The following MAP3K4 variants were observed in gnomAD, a reference collection of about 807,000 sequenced individuals.
The protein encoded by MAP3K4 is mitogen-activated protein kinase kinase kinase 4, also known as MAP three kinase 1.
MAP3K4 carries 67 observed loss-of-function variants against 185.6 expected under a neutral mutation model. The ratio of observed to expected loss-of-function variants is 0.36; its 90% confidence interval spans 0.30 to 0.44. MAP3K4 has a LOEUF of 0.44. MAP3K4 is among the 20% of genes least tolerant of loss of function. The pLI is 1.00. For synonymous variants in MAP3K4, 702 were observed against 710.4 expected, an observed-to-expected ratio of 0.99 and a Z score of 0.19; for missense variants, 1,551 against 1,995.1, an observed-to-expected ratio of 0.78 and a Z score of 4.24.
Position 161,086,678 on chromosome 6 carries a change from C to G in MAP3K4, c.2556+11C>G. ...AAACAGTATGTCAAGGTAAGTACTTCAAATGTTGTGATTGAAACATTTTGC... is the reference window on the plus strand; with the variant it reads ...AAACAGTATGTCAAGGTAAGTACTTGAAATGTTGTGATTGAAACATTTTGC... On this transcript the variant is annotated intron_variant, in intron 9 of 26. Coordinates refer to ENST00000392142, the MANE Select transcript of MAP3K4 (RefSeq NM_005922.4). The surrounding 1 kb of genome is among the most constrained non-coding windows in gnomAD (Gnocchi z 4.8). 6.3e-7 allele frequency: 1 copy of G among 1,598,572 alleles called. No homozygotes were observed. Among genetic ancestry groups the G allele is most frequent in the Non-Finnish European group, 8.5e-7 (1 of 1,173,390 alleles).
chr6:161,098,074 G>A lies in MAP3K4; in HGVS notation c.3525-204G>A, dbSNP rs1777649920. On this transcript the variant is annotated intron_variant, in intron 16 of 26. Transcript: ENST00000392142. This position sits in a 1 kb window ranked among gnomAD's most constrained non-coding sequence, Gnocchi z 4.4. ...TGCACTCCAGCCTGGACAACAGGGT[G>A]CGATGCTGTCTCAAAAAAAAGAAAA... Among the ~76,000 whole-genome samples the A allele has an allele frequency of 6.6e-6, 1 of 152,054 alleles. No individual in the cohort carries two copies. The highest frequency in any genetic ancestry group is 2.4e-5 in the African/African-American group (1 of 41,392).
intron 1 of MAP3K4, among the ~76,000 whole-genome samples, chr6:161,015,810 G>A (rs952345562): frequency 2.6e-5 from 4 of 152,094 alleles, no homozygotes; most frequent in Non-Finnish European, 4.4e-5. Context: ...TCATTCATCA[G>A]GGGTCTGCCT....
rs2114868629 is a variant in MAP3K4, at chr6:161,091,958, A to G, written c.3136-52A>G. ...TAGACATGGCATTATAGTGTGTGAT[A>G]TTATTTAATGATCATTTCCTTAATG... On this transcript the variant is annotated intron_variant, in intron 12 of 26. Transcript: ENST00000392142. The surrounding 1 kb of genome is among the most constrained non-coding windows in gnomAD (Gnocchi z 5.5). 2.8e-6 allele frequency: 4 copies of G among 1,450,484 alleles called. No individual in the cohort carries two copies. The highest frequency in any genetic ancestry group is 2.3e-5 in the South Asian group (2 of 86,992). 89.9% of individuals were successfully genotyped at this position (1,450,484 alleles called of 1,614,324 possible).
At position 161,049,927 on chromosome 6, in the gene MAP3K4, G is replaced by T. The variant is rs1238876550; in HGVS notation, c.1655G>T (p.Gly552Val). The T allele has an allele frequency of 3.1e-6, 5 of 1,613,800 alleles. No homozygotes were observed. The highest frequency in any genetic ancestry group is 3.4e-6 in the Non-Finnish European group (4 of 1,179,910). The change falls in exon 3 of 27, where the codon GGT becomes GTT. Residue 552 changes from glycine (G) to valine (V), a missense_variant. Around this residue, in one of 16 missense-constraint regions of MAP3K4, gnomAD observed 86 missense variants for 81.6 expected, o/e 1.05. Coordinates refer to ENST00000392142, the MANE Select transcript of MAP3K4 (RefSeq NM_005922.4). This position sits in a 1 kb window ranked among gnomAD's most constrained non-coding sequence, Gnocchi z 8.4. The stretch of plus-strand genomic sequence containing the variant: ...TTAAGACTTCACAAGCTAATGGATG[G>T]TTCCTTGCAAAGGGCACGTATAGCA... ...LILRLHKLMDGSLQRARIALV... is the reference protein window; with the variant it reads ...LILRLHKLMDVSLQRARIALV...
rs570916658 is a variant in MAP3K4, at chr6:161,073,840, A to C, written c.2097+228A>C. 2.0e-4 allele frequency among the ~76,000 whole-genome samples: 30 copies of C among 152,286 alleles called. No homozygotes were observed. Among genetic ancestry groups the C allele is most frequent in the African/African-American group, 7.0e-4 (29 of 41,544 alleles). ...GTCTTTCCATCTGGTATTAGATTAC[A>C]TTTGTTTCTCTGAAATCCACATTTA... On this transcript the variant is annotated intron_variant, in intron 5 of 26. Transcript: ENST00000392142. The surrounding 1 kb of genome is among the most constrained non-coding windows in gnomAD (Gnocchi z 4.2).
intron 2 of MAP3K4, among the ~76,000 whole-genome samples, chr6:161,046,721 T>G (rs1459279735): frequency 1.3e-5 from 2 of 151,194 alleles, no homozygotes; most frequent in Non-Finnish European, 3.0e-5. Context: ...GGTTAGGAAG[T>G]AAATTGGTTT....
At position 161,093,920 on chromosome 6, in the gene MAP3K4, G is replaced by A. The variant is rs2114873820; in HGVS notation, c.3427+69G>A. 2.5e-6 allele frequency: 3 copies of A among 1,186,528 alleles called. No homozygotes were observed. The highest frequency in any genetic ancestry group is 1.9e-4 in the Middle Eastern group (1 of 5,184). 73.5% of individuals were successfully genotyped at this position (1,186,528 alleles called of 1,614,324 possible). On this transcript the variant is annotated intron_variant, in intron 15 of 26. Transcript: ENST00000392142. This position sits in a 1 kb window ranked among gnomAD's most constrained non-coding sequence, Gnocchi z 5.2. ...TGAGTGGACAGATCCTCTTGTAATT[G>A]CAGTCGTTTAAAATGGTATAAGAGG...
rs1784562497 is a variant in MAP3K4 at position 161,063,336 on chromosome 6, A to G, written c.1708-7272A>G. Among the ~76,000 whole-genome samples, 1 of 152,044 alleles carries G rather than the reference A, an allele frequency of 6.6e-6. No homozygotes were observed. The highest frequency in any genetic ancestry group is 1.5e-5 in the Non-Finnish European group (1 of 68,022). On this transcript the variant is annotated intron_variant, in intron 3 of 26. Transcript: ENST00000392142. The surrounding 1 kb of genome is among the most constrained non-coding windows in gnomAD (Gnocchi z 5.4). ...GGACATATCTTTCTGGCAAGCGCTC[A>G]CTGTCTGGAGGGTTATTCTCCTTTT...
rs1784886855 is a variant in MAP3K4 at position 161,070,467 on chromosome 6, T to C, written c.1708-141T>C. The C allele has an allele frequency of 1.9e-5, 11 of 570,170 alleles. No individual in the cohort carries two copies. In the East Asian group the frequency reaches 3.5e-4, roughly 18 times the overall value. The allele number at this position is 570,170 out of a possible 1,614,324, so 35.3% of individuals were successfully genotyped here. On this transcript the variant is annotated intron_variant, in intron 3 of 26. Coordinates refer to ENST00000392142, the MANE Select transcript of MAP3K4 (RefSeq NM_005922.4). The surrounding 1 kb of genome is among the most constrained non-coding windows in gnomAD (Gnocchi z 4.5). The stretch of plus-strand genomic sequence containing the variant: ...GTTGAAGTTATTAAATTCATTAAAT[T>C]ATTAAATATTCTTTTCCCTGTAAAA...
rs1035543993 is a variant in MAP3K4 at position 161,045,001 on chromosome 6, G to A, written c.344-3615G>A. Among the ~76,000 whole-genome samples, 7 of 152,106 alleles carry A rather than the reference G, an allele frequency of 4.6e-5. No individual in the cohort carries two copies. In the South Asian group the frequency reaches 1.2e-3, roughly 27 times the overall value. On this transcript the variant is annotated intron_variant, in intron 2 of 26. Transcript: ENST00000392142. ...GTCACATTTCAGCATGAGATTTGGA[G>A]GGGGCAAATATACAAACCAAATCAC...
Position 161,093,135 on chromosome 6 carries a change from G to A in MAP3K4, c.3348+79G>A. On this transcript the variant is annotated intron_variant, in intron 14 of 26. Transcript: ENST00000392142. The surrounding 1 kb of genome is among the most constrained non-coding windows in gnomAD (Gnocchi z 5.2). ...TTTTCTGGTTGTATATGTTTTATAT[G>A]TAATAGTGGTTTTTTTCATGAGATA... 1 of 932,776 alleles carries A rather than the reference G, an allele frequency of 1.1e-6. No individual in the cohort carries two copies. Among genetic ancestry groups the A allele is most frequent in the Non-Finnish European group, 1.7e-6 (1 of 596,744 alleles). The allele number at this position is 932,776 out of a possible 1,614,324, so 57.8% of individuals were successfully genotyped here.
chr6:161,086,662 G>T lies in MAP3K4; in HGVS notation c.2551G>T (p.Val851Phe). Residue 851 changes from valine (V) to phenylalanine (F), a missense_variant, in exon 9 of 27, where the codon GTC (valine) becomes TTC (phenylalanine). Coordinates refer to ENST00000392142, the MANE Select transcript of MAP3K4 (RefSeq NM_005922.4). The surrounding 1 kb of genome is among the most constrained non-coding windows in gnomAD (Gnocchi z 4.8). Reference protein sequence around the residue: ...LLDVLKSKQYVKVQIPGLENL... With the variant: ...LLDVLKSKQYFKVQIPGLENL... ...GGATGTTCTGAAATCAAAACAGTAT[G>T]TCAAGGTAAGTACTTCAAATGTTGT... The T allele has an allele frequency of 6.2e-7, 1 of 1,610,038 alleles. No individual in the cohort carries two copies. The highest frequency in any genetic ancestry group is 1.1e-5 in the South Asian group (1 of 89,740).
rs1783824319 is a variant in MAP3K4 at position 161,048,176 on chromosome 6, G to GT, written c.344-439dup. The GT allele has an allele frequency of 2.0e-6, 1 of 496,568 alleles. No individual in the cohort carries two copies. Among genetic ancestry groups the GT allele is most frequent in the Non-Finnish European group, 4.1e-6 (1 of 245,534 alleles). 30.8% of individuals were successfully genotyped at this position (496,568 alleles called of 1,614,324 possible). A position where few individuals can be genotyped will look rare whatever the true frequency, so the allele number is the denominator to read the frequency against. On this transcript the variant is annotated intron_variant, in intron 2 of 26. Coordinates refer to ENST00000392142, the MANE Select transcript of MAP3K4 (RefSeq NM_005922.4). This position sits in a 1 kb window ranked among gnomAD's most constrained non-coding sequence, Gnocchi z 4.7. The stretch of plus-strand genomic sequence containing the variant: ...GAGAAAAGTAATCCAGATAATTTAC[G>GT]TGATTTCCTCTTAAGTTTACACATT...
intron 3 of MAP3K4, among the ~76,000 whole-genome samples, chr6:161,060,869 C>T (rs1362972316): frequency 2.6e-5 from 4 of 152,108 alleles, no homozygotes; most frequent in African/African-American, 4.8e-5. Flanking sequence ...ATCTGCCGGC[C>T]TCGGCCTCCC....
In MAP3K4 at chr6:161,058,875, T is replaced by C. The variant is rs575721772; in HGVS notation, c.1707+8896T>C. 3.3e-5 allele frequency among the ~76,000 whole-genome samples: 5 copies of C among 152,284 alleles called. No homozygotes were observed. In the East Asian group the frequency reaches 9.6e-4, roughly 29 times the overall value. ...ATTTCACTCTTGATGGAAATGTAATTTTTTTGCTTGTGTAAACAATGTAGC... is the reference window on the plus strand; with the variant it reads ...ATTTCACTCTTGATGGAAATGTAATCTTTTTGCTTGTGTAAACAATGTAGC... On this transcript the variant is annotated intron_variant, in intron 3 of 26. Coordinates refer to ENST00000392142, the MANE Select transcript of MAP3K4 (RefSeq NM_005922.4).
intron 3 of MAP3K4, among the ~76,000 whole-genome samples, chr6:161,069,881 G>A (rs1405055715): frequency 6.6e-6 from 1 of 152,058 alleles, no homozygotes; most frequent in African/African-American, 2.4e-5. Context: ...GGGAGCCAGG[G>A]AGGAGTGACC....
chr6:161,028,828 C>G (rs559378519), intron 1 of MAP3K4, among the ~76,000 whole-genome samples: 4 of 152,104 alleles, frequency 2.6e-5, no homozygotes, highest in Non-Finnish European at 5.9e-5. Context: ...GAGGTTTGAC[C>G]GTTCACCTGG....
intron 1 of MAP3K4, chr6:160,992,358 A>G (rs1172482654): frequency 2.1e-6 from 1 of 477,464 alleles, no homozygotes; most frequent in Non-Finnish European, 3.6e-6. Flanking sequence ...GCTCACCCTC[A>G]ACGTTGCGGG....
In MAP3K4 at chr6:161,101,895, T is replaced by C; in HGVS notation, c.3678T>C (p.Gly1226=). The C allele has an allele frequency of 3.7e-6, 6 of 1,612,648 alleles. No homozygotes were observed. Among genetic ancestry groups the C allele is most frequent in the South Asian group, 1.1e-5 (1 of 91,002 alleles). Residue 1226 remains glycine, a synonymous_variant, in exon 18 of 27, where the codon GGT becomes GGC. Transcript: ENST00000392142. This position sits in a 1 kb window ranked among gnomAD's most constrained non-coding sequence, Gnocchi z 5.1. The part of the protein sequence containing the change: ...KSISSAHDTR[G]SSVPENDRLA... ...ATTATTAAAAATATTAAAACAGGGG[T>C]TCCAGCGTTCCTGAAAATGATCGAT...
Sources: allele counts gnomAD v4.1 joint callset (sites outside exome capture counted in the v4.1 genomes callset), GRCh38; gene constraint gnomAD v4.1.1; regional missense constraint gnomAD v4.1.1; non-coding constraint Gnocchi (gnomAD v3.1); transcripts MANE v1.5; gene names NCBI Gene and HGNC (gene_info 2026-07-23, HGNC 2026-07-21).